DCDC2: variants seen among roughly 807,000 people sequenced by gnomAD.
DCDC2 encodes the protein doublecortin domain-containing protein 2.
In DCDC2, 40 loss-of-function variants were observed where a neutral mutation model predicts 50.2. That is an observed-to-expected ratio of 0.80 (90% CI 0.62 to 1.04). The LOEUF is 1.04. DCDC2 is among the 50% of genes least tolerant of loss of function. The pLI is 0.00. For missense variants in DCDC2, 570 were observed against 581.9 expected (o/e 0.98, Z 0.21); for synonymous variants, 234 against 210.6 (o/e 1.11, Z -0.96).
intron 8 of DCDC2, among the ~76,000 whole-genome samples, chr6:24,187,082 T>C (rs12212062): frequency 0.15 from 23,014 of 152,008 alleles, 1,943 homozygotes; most frequent in Middle Eastern, 0.19. Flanking sequence ...TACTAATACC[T>C]TCCCTCCCCA....
rs1200975182 is a variant in DCDC2 at position 24,353,440 on chromosome 6, A to G, written c.348+129T>C. Reference sequence around the variant, plus strand: ...GAAAGAATTATCTTTGCCTTAAAACATATAATGTTCCATTTCTTTACATTA... The same window carrying G: ...GAAAGAATTATCTTTGCCTTAAAACGTATAATGTTCCATTTCTTTACATTA... On this transcript the variant is annotated intron_variant, in intron 2 of 9. Transcript: ENST00000378454. 4 of 669,208 alleles carry G rather than the reference A, an allele frequency of 6.0e-6. No individual in the cohort carries two copies. In the African/African-American group the frequency reaches 7.2e-5, roughly 12 times the overall value. 41.5% of individuals were successfully genotyped at this position (669,208 alleles called of 1,614,324 possible).
the DCDC2 span, among the ~76,000 whole-genome samples, chr6:24,368,290 TTAAC>T: frequency 6.6e-6 from 1 of 152,166 alleles, no homozygotes; most frequent in Non-Finnish European, 1.5e-5. Context: ...AGCAGAGGCA[TTAAC>T]TAAAGTTTTC....
At position 24,347,977 on chromosome 6, in the gene DCDC2, C is replaced by T. The variant is rs1042863913; in HGVS notation, c.348+5592G>A. Among the ~76,000 whole-genome samples the T allele has an allele frequency of 1.7e-4, 26 of 152,102 alleles. 1 individual carries two copies. The highest frequency in any genetic ancestry group is 1.5e-5 in the Non-Finnish European group (1 of 68,022). On this transcript the variant is annotated intron_variant, in intron 2 of 9. Transcript: ENST00000378454. ...AAACCATGGCAAATTTAAACAATTC[C>T]CAGTCTTCAGCGTGGTGGGTACGAT... is the stretch of plus-strand genomic sequence containing the variant.
upstream of DCDC2, among the ~76,000 whole-genome samples, chr6:24,359,141 A>ATTATATATTTTATATATT (rs1451891114): frequency 3.2e-5 from 2 of 63,248 alleles, no homozygotes; most frequent in African/African-American, 1.5e-4. Flanking sequence ...TTTTATATAT[A>ATTATATATTTTATATATT]TTATATATTT....
intron 4 of DCDC2, among the ~76,000 whole-genome samples, chr6:24,293,987 A>G (rs1763805095): frequency 6.6e-6 from 1 of 152,254 alleles, no homozygotes; most frequent in South Asian, 2.1e-4. Context: ...AACTGAGAAC[A>G]AAAATACAAC....
At chr6:24,367,102 C>T in the DCDC2 span, among the ~76,000 whole-genome samples, 4 of 152,146 alleles carry the variant, frequency 2.6e-5, no homozygotes, top group Non-Finnish European at 5.9e-5. Context: ...TCTCAAAGTG[C>T]TGGAATTACA....
intron 7 of DCDC2, among the ~76,000 whole-genome samples, chr6:24,221,623 T>C (rs1471744202): frequency 1.3e-5 from 2 of 152,234 alleles, no homozygotes; most frequent in African/African-American, 4.8e-5. Context: ...CATATGGAGC[T>C]AGGACAGGGA....
At chr6:24,242,321 C>A (rs1762578974) in intron 7 of DCDC2, among the ~76,000 whole-genome samples, 1 of 152,140 alleles carries the variant, frequency 6.6e-6, no homozygotes, top group Admixed American at 6.5e-5. Flanking sequence ...CCTTTGATAG[C>A]CTCGTGTTAT....
At chr6:24,299,110 G>A (rs1016909596) in intron 4 of DCDC2, among the ~76,000 whole-genome samples, 2 of 152,150 alleles carry the variant, frequency 1.3e-5, no homozygotes, top group African/African-American at 4.8e-5. Context: ...ATGGTGGGCT[G>A]GATAAAGAAA....
chr6:24,350,168 C>CAA (rs1432514290), intron 2 of DCDC2, among the ~76,000 whole-genome samples: 2 of 152,194 alleles, frequency 1.3e-5, no homozygotes. Flanking sequence ...ATGGAACAAG[C>CAA]AAGCAGTGAC....
At chr6:24,345,722 G>C (rs944525912) in intron 2 of DCDC2, among the ~76,000 whole-genome samples, 1 of 152,176 alleles carries the variant, frequency 6.6e-6, no homozygotes, top group African/African-American at 2.4e-5. Context: ...AGGTGAGCTT[G>C]ACCTTCTGCT....
At chr6:24,215,878 T>A (rs1175792806) in intron 7 of DCDC2, among the ~76,000 whole-genome samples, 3 of 152,246 alleles carry the variant, frequency 2.0e-5, no homozygotes, top group Admixed American at 6.5e-5. Flanking sequence ...ATTGAATACT[T>A]GTATTGGCAG....
At chr6:24,181,101 A>T (rs1761061967) in intron 8 of DCDC2, among the ~76,000 whole-genome samples, 2 of 152,188 alleles carry the variant, frequency 1.3e-5, no homozygotes, top group Admixed American at 1.3e-4. Flanking sequence ...TCGGATGCTT[A>T]AGGTCAAATA....
At chr6:24,305,497 T>A (rs707863) in intron 2 of DCDC2, among the ~76,000 whole-genome samples, 2 of 152,058 alleles carry the variant, frequency 1.3e-5, no homozygotes, top group Admixed American at 6.5e-5. Context: ...AGTTTTTATA[T>A]AAAATGCATT....
Position 24,346,152 on chromosome 6 carries a change from TAA to T in DCDC2, c.348+7415_348+7416del, listed in dbSNP as rs58725760. ...GAGATTGCTCAAAAGAGACTCTGTC[TAA>T]AAAAAAAAAAAAAAAATGTATTTAC... On this transcript the variant is annotated intron_variant, in intron 2 of 9. Coordinates refer to ENST00000378454, the MANE Select transcript of DCDC2 (RefSeq NM_016356.5). Among the ~76,000 whole-genome samples the T allele has an allele frequency of 2.5e-3, 329 of 133,046 alleles. 1 individual carries two copies. Among genetic ancestry groups the T allele is most frequent in the Middle Eastern group, 8.0e-3 (2 of 250 alleles). The allele number at this position is 133,046 out of a possible 152,430, so 87.3% of individuals were successfully genotyped here.
chr6:24,359,282 T>TATATAA (rs1561789371), upstream of DCDC2, among the ~76,000 whole-genome samples: 72 of 34,344 alleles, frequency 2.1e-3, no homozygotes, highest in African/African-American at 7.1e-3. Flanking sequence ...TTTATATATA[T>TATATAA]TATATATTTT....
At chr6:24,271,477 A>G (rs1443142853) in intron 7 of DCDC2, among the ~76,000 whole-genome samples, 7 of 152,084 alleles carry the variant, frequency 4.6e-5, no homozygotes, top group Admixed American at 3.3e-4. Context: ...GGATCACGCT[A>G]ATAGAAGAAC....
At chr6:24,265,550 A>G (rs150835213) in intron 7 of DCDC2, among the ~76,000 whole-genome samples, 1 of 152,342 alleles carries the variant, frequency 6.6e-6, no homozygotes, top group Admixed American at 6.5e-5. Context: ...AAAAAATTGA[A>G]AACATATCAA....
At chr6:24,285,408 T>C (rs1232085693) in intron 6 of DCDC2, among the ~76,000 whole-genome samples, 2 of 152,244 alleles carry the variant, frequency 1.3e-5, no homozygotes, top group African/African-American at 4.8e-5. Flanking sequence ...GTCTTTCATA[T>C]TACTGTGCAC....
Sources: allele counts gnomAD v4.1 joint callset (sites outside exome capture counted in the v4.1 genomes callset), GRCh38; gene constraint gnomAD v4.1.1; transcripts MANE v1.5; gene names NCBI Gene and HGNC (gene_info 2026-07-23, HGNC 2026-07-21).